HMGA2: variants seen among roughly 807,000 people sequenced by gnomAD.
HMGA2 encodes high mobility group AT-hook 2, also known as high mobility group protein HMGI-C.
A neutral mutation model predicts 19.1 loss-of-function variants in HMGA2; 8 were observed. The ratio of observed to expected loss-of-function variants is 0.42; its 90% confidence interval spans 0.25 to 0.76. HMGA2 has a LOEUF of 0.76. HMGA2 is among the 30% of genes least tolerant of loss of function. The pLI, the probability that HMGA2 is intolerant of heterozygous loss-of-function variation, is 0.28. For missense variants in HMGA2, 109 were observed against 136.3 expected, an observed-to-expected ratio of 0.80 and a Z score of 1.00; for synonymous variants, 60 against 48.8, an observed-to-expected ratio of 1.23 and a Z score of -0.96.
intron 3 of HMGA2, among the ~76,000 whole-genome samples, chr12:65,910,658 A>G (rs1874805154): frequency 6.6e-6 from 1 of 152,030 alleles, no homozygotes; most frequent in East Asian, 1.9e-4. Flanking sequence ...TCTGGTAGGA[A>G]CTTGGGGTAC....
intron 4 of HMGA2, 101 bp from the exon 5 acceptor site, chr12:65,963,144 C>T: frequency 2.9e-6 from 3 of 1,048,570 alleles, no homozygotes; most frequent in Non-Finnish European, 4.4e-6. Context: ...TTGAGGCAAG[C>T]ATAATGTGCT....
At chr12:65,910,705 T>C (rs373467916) in intron 3 of HMGA2, among the ~76,000 whole-genome samples, 62 of 152,212 alleles carry the variant, frequency 4.1e-4, no homozygotes, top group African/African-American at 1.5e-3. Flanking sequence ...TTCTCCTTTT[T>C]TTCTTTTTAA....
At chr12:65,832,065 T>A (rs1365878661) in intron 2 of HMGA2, among the ~76,000 whole-genome samples, 1 of 151,752 alleles carries the variant, frequency 6.6e-6, no homozygotes, top group East Asian at 1.9e-4. Context: ...TTCAGGCGGA[T>A]TCAGGGCCCT....
intron 3 of HMGA2, among the ~76,000 whole-genome samples, chr12:65,848,929 CA>C (rs1334403987): frequency 6.6e-6 from 1 of 152,118 alleles, no homozygotes; most frequent in Non-Finnish European, 1.5e-5. Flanking sequence ...CCAGAAAACC[CA>C]AATATCTTCA....
At chr12:65,826,484 C>A (rs1014711836) in intron 1 of HMGA2, 2 of 152,262 alleles carry the variant, frequency 1.3e-5, no homozygotes, top group Admixed American at 1.3e-4. Context: ...TCGCTTCCTT[C>A]ATGGCAAACA....
intron 3 of HMGA2, among the ~76,000 whole-genome samples, chr12:65,855,687 T>C (rs551616018): frequency 1.3e-3 from 186 of 145,854 alleles, no homozygotes; most frequent in Middle Eastern, 6.9e-3. Flanking sequence ...TTTGTTTAGG[T>C]AACCAGAACA....
At chr12:65,961,172 G>T (rs1358829584) in intron 4 of HMGA2, among the ~76,000 whole-genome samples, 3 of 152,188 alleles carry the variant, frequency 2.0e-5, no homozygotes, top group Non-Finnish European at 4.4e-5. Flanking sequence ...TTATGCCGTG[G>T]TCTGTTTCAG....
chr12:65,922,821 G>A (rs1047373645), intron 3 of HMGA2, among the ~76,000 whole-genome samples: 3 of 152,170 alleles, frequency 2.0e-5, no homozygotes, highest in African/African-American at 7.2e-5. Flanking sequence ...ATGGGGGCCG[G>A]TCTTTCCTGT....
chr12:65,932,687 C>T (rs371500926), intron 3 of HMGA2, among the ~76,000 whole-genome samples: 2 of 152,072 alleles, frequency 1.3e-5, no homozygotes, highest in African/African-American at 4.8e-5. Flanking sequence ...GCAGTAATGC[C>T]CTGTCCCTCC....
intron 2 of HMGA2, among the ~76,000 whole-genome samples, chr12:65,829,942 C>T (rs1194876153): frequency 6.6e-6 from 1 of 151,976 alleles, no homozygotes; most frequent in Non-Finnish European, 1.5e-5. Context: ...CTACGCCGCT[C>T]ATCTTTCTGA....
chr12:65,881,172 C>A (rs1311888689), intron 3 of HMGA2: 1 of 154,608 alleles, frequency 6.5e-6, no homozygotes, highest in Non-Finnish European at 1.4e-5. Flanking sequence ...GACACTTTGC[C>A]CCCAAAGTGG....
chr12:65,938,981 A>T (rs1345699183), intron 3 of HMGA2, among the ~76,000 whole-genome samples: 2 of 152,180 alleles, frequency 1.3e-5, no homozygotes, highest in Non-Finnish European at 2.9e-5. Flanking sequence ...AGCATTTCTA[A>T]CAAGCACTCT....
At chr12:65,912,216 G>C (rs1465191094) in intron 3 of HMGA2, among the ~76,000 whole-genome samples, 1 of 151,938 alleles carries the variant, frequency 6.6e-6, no homozygotes, top group Non-Finnish European at 1.5e-5. Context: ...ATATTATTTT[G>C]GTAAGCTAAT....
chr12:65,848,239 T>C (rs1392207180), intron 3 of HMGA2, among the ~76,000 whole-genome samples: 1 of 152,230 alleles, frequency 6.6e-6, no homozygotes, highest in Admixed American at 6.5e-5. Context: ...AGAAGACAGC[T>C]TTATTGGCCA....
At chr12:65,835,913 G>C (rs1247864019) in intron 2 of HMGA2, among the ~76,000 whole-genome samples, 2 of 152,152 alleles carry the variant, frequency 1.3e-5, no homozygotes, top group African/African-American at 4.8e-5. Flanking sequence ...TGGGTTAACT[G>C]TGCAATCTTA....
chr12:65,851,698 C>T (rs1284566354), intron 3 of HMGA2: 3 of 420,488 alleles, frequency 7.1e-6, no homozygotes, highest in Non-Finnish European at 1.4e-5. Context: ...AGTTTTAAAC[C>T]CTGTGAAAAT....
In HMGA2 at chr12:65,825,022, C is replaced by T. The variant is rs1870071191; in HGVS notation, c.-249C>T. 1 of 429,774 alleles carries T rather than the reference C, an allele frequency of 2.3e-6. No homozygotes were observed. Among genetic ancestry groups the T allele is most frequent in the Admixed American group, 4.5e-5 (1 of 22,100 alleles). 26.6% of individuals were successfully genotyped at this position (429,774 alleles called of 1,614,324 possible). A position where few individuals can be genotyped will look rare whatever the true frequency, so the allele number is the denominator to read the frequency against. Reference sequence around the variant, plus strand: ...TCCGGCACCCACCCACCGCCGCCGCCGCCACCGGCAGCGCCTCCTCCTCTC... The same window carrying T: ...TCCGGCACCCACCCACCGCCGCCGCTGCCACCGGCAGCGCCTCCTCCTCTC... On this transcript the variant is annotated 5_prime_UTR_variant, in exon 1 of 5. Coordinates refer to ENST00000403681, the MANE Select transcript of HMGA2 (RefSeq NM_003483.6). The surrounding 1 kb of genome is among the most constrained non-coding windows in gnomAD (Gnocchi z 4.4).
chr12:65,959,793 G>A (rs1876700071), intron 4 of HMGA2, among the ~76,000 whole-genome samples: 1 of 152,174 alleles, frequency 6.6e-6, no homozygotes, highest in South Asian at 2.1e-4. Flanking sequence ...AAGCTCAAAG[G>A]TCCTTTGACC....
At chr12:65,875,556 T>C (rs1872948508) in intron 3 of HMGA2, among the ~76,000 whole-genome samples, 1 of 142,134 alleles carries the variant, frequency 7.0e-6, no homozygotes, top group South Asian at 2.2e-4. Context: ...CCCAAGTAGT[T>C]GGGATTGCGG....
Sources: gnomAD v4.1 joint callset for allele counts (sites outside exome capture counted in the v4.1 genomes callset) on GRCh38, gnomAD v4.1.1 for gene constraint, Gnocchi (gnomAD v3.1) non-coding constraint, MANE v1.5 for transcripts, NCBI Gene and HGNC (gene_info 2026-07-23, HGNC 2026-07-21) for gene names.